PLG: variants seen among roughly 807,000 people sequenced by gnomAD.
PLG encodes plasmin.
In PLG, 41 loss-of-function variants were observed where a neutral mutation model predicts 104.4. That is an observed-to-expected ratio of 0.39 (90% CI 0.31 to 0.51). The LOEUF (loss-of-function observed/expected upper bound fraction) is 0.51. Ranked by LOEUF, PLG falls within the 20% of genes least tolerant of loss-of-function variation. PLG has a pLI of 0.76. For missense variants in PLG, 891 were observed against 1,003.6 expected (o/e 0.89, Z 1.52); for synonymous variants, 337 against 357.1 (o/e 0.94, Z 0.63).
At chr6:160,712,008 A>G in intron 4 of PLG, 1 of 908,204 alleles carries the variant, frequency 1.1e-6, no homozygotes. Context: ...AGTGCTTGTT[A>G]CTCACCTTTA....
intron 10 of PLG, among the ~76,000 whole-genome samples, chr6:160,730,568 A>G (rs962087008): frequency 2.0e-5 from 3 of 152,178 alleles, no homozygotes; most frequent in African/African-American, 7.2e-5. Context: ...TGGGAATGAT[A>G]CCATCTTGGA....
intron 17 of PLG, among the ~76,000 whole-genome samples, chr6:160,746,128 A>G (rs755143964): frequency 1.3e-5 from 2 of 152,152 alleles, no homozygotes; most frequent in Admixed American, 1.3e-4. Flanking sequence ...CTTGTATAGA[A>G]TCTCACAGGG....
chr6:160,707,463 G>A (rs1253463926), intron 2 of PLG, among the ~76,000 whole-genome samples: 1 of 152,106 alleles, frequency 6.6e-6, no homozygotes, highest in East Asian at 1.9e-4. Context: ...GAAACAGGAA[G>A]AAAGGGAAAA....
rs1778007001 is a variant in PLG at position 160,731,960 on chromosome 6, G to A, written c.1587+67G>A. The A allele has an allele frequency of 6.5e-7, 1 of 1,540,984 alleles. No homozygotes were observed. Among genetic ancestry groups the A allele is most frequent in the Admixed American group, 1.7e-5 (1 of 59,896 alleles). On this transcript the variant is annotated intron_variant, in intron 12 of 18. Coordinates refer to ENST00000308192, the MANE Select transcript of PLG (RefSeq NM_000301.5). The surrounding 1 kb of genome is among the most constrained non-coding windows in gnomAD (Gnocchi z 5.1). ...AATCTTTGCAAACAGAATTGGTTCTGTGTTACAGAAAATCTGACCTGGACT... is the reference window on the plus strand; with the variant it reads ...AATCTTTGCAAACAGAATTGGTTCTATGTTACAGAAAATCTGACCTGGACT...
intron 7 of PLG, among the ~76,000 whole-genome samples, 173 bp downstream of exon 7, chr6:160,716,936 A>G (rs1348671826): frequency 6.6e-6 from 1 of 152,204 alleles, no homozygotes; most frequent in Non-Finnish European, 1.5e-5. Context: ...GTTATTGGTT[A>G]CTGTGGGTGA....
Position 160,724,435 on chromosome 6 carries a change from T to A in PLG, c.1256+1868T>A, listed in dbSNP as rs1777892631. Among the ~76,000 whole-genome samples the A allele has an allele frequency of 3.3e-5, 5 of 151,766 alleles. No homozygotes were observed. Among genetic ancestry groups the A allele is most frequent in the Admixed American group, 3.3e-4 (5 of 15,250 alleles). ...AACTGCAGCACACACATACAAAGAC[T>A]GAAAAGATAAAGAAACAGAGCCTCA... On this transcript the variant is annotated intron_variant, in intron 10 of 18. Transcript: ENST00000308192. The surrounding 1 kb of genome is among the most constrained non-coding windows in gnomAD (Gnocchi z 5.0).
In PLG at chr6:160,736,912, G is replaced by T; in HGVS notation, c.1707G>T (p.Lys569Asn). 6.2e-7 allele frequency: 1 copy of T among 1,614,010 alleles called. No homozygotes were observed. The highest frequency in any genetic ancestry group is 8.5e-7 in the Non-Finnish European group (1 of 1,179,926). ...CGGCCCCTTCATTTGATTGTGGGAA[G>T]CCTCAAGTGGAGCCGAAGAAATGTC... ...QCAAPSFDCG[K>N]PQVEPKKCPG... is the part of the protein sequence containing the mutation. The change falls in exon 14 of 19, where the codon AAG becomes AAT. Residue 569 changes from lysine to asparagine, a missense_variant. By Grantham distance (94) the Lys-to-Asn change is moderately conservative. Coordinates refer to ENST00000308192, the MANE Select transcript of PLG (RefSeq NM_000301.5). This position sits in a 1 kb window ranked among gnomAD's most constrained non-coding sequence, Gnocchi z 5.2.
chr6:160,702,527 T>C (rs1176112372), intron 1 of PLG, among the ~76,000 whole-genome samples, 174 bp downstream of exon 1: 1 of 152,144 alleles, frequency 6.6e-6, no homozygotes, highest in African/African-American at 2.4e-5. Flanking sequence ...AAGTTTCCTG[T>C]GAAGATTGTC....
chr6:160,739,233 C>A lies in PLG; in HGVS notation c.2018+25C>A. On this transcript the variant is annotated intron_variant, in intron 16 of 18. Transcript: ENST00000308192. This position sits in a 1 kb window ranked among gnomAD's most constrained non-coding sequence, Gnocchi z 4.4. ...GGTACTCGTTCACCTGTGGTCTTCA[C>A]CCCACGCTGGTGAAGATATTTGCTT... The A allele has an allele frequency of 6.2e-7, 1 of 1,614,034 alleles. No homozygotes were observed. Among genetic ancestry groups the A allele is most frequent in the Non-Finnish European group, 8.5e-7 (1 of 1,179,918 alleles).
At position 160,752,859 on chromosome 6, in the gene PLG, C is replaced by G. The variant is rs371368258; in HGVS notation, c.2272-41C>G. 1.5e-4 allele frequency: 247 copies of G among 1,605,722 alleles called. No individual in the cohort carries two copies. Among genetic ancestry groups the G allele is most frequent in the Non-Finnish European group, 3.2e-5 (37 of 1,172,498 alleles). On this transcript the variant is annotated intron_variant, in intron 18 of 18. Coordinates refer to ENST00000308192, the MANE Select transcript of PLG (RefSeq NM_000301.5). The surrounding 1 kb of genome is among the most constrained non-coding windows in gnomAD (Gnocchi z 4.7). Reference sequence around the variant, plus strand: ...ATGGCATCCCATAATAAAAGGCAGGCAGCCTAACCCTCACATGCATTTTTC... The same window carrying G: ...ATGGCATCCCATAATAAAAGGCAGGGAGCCTAACCCTCACATGCATTTTTC...
chr6:160,709,258 C>T lies in PLG; in HGVS notation c.292+1452C>T, dbSNP rs182842303. Among the ~76,000 whole-genome samples the T allele has an allele frequency of 8.7e-4, 132 of 152,232 alleles. 1 individual carries two copies. The highest frequency in any genetic ancestry group is 2.9e-3 in the African/African-American group (119 of 41,538). On this transcript the variant is annotated intron_variant, in intron 3 of 18. Coordinates refer to ENST00000308192, the MANE Select transcript of PLG (RefSeq NM_000301.5). ...GGATATTGACCTGCTACTAACTTACCTGCCAGGGTTTTGCCAGGAACAGTC... is the reference window on the plus strand; with the variant it reads ...GGATATTGACCTGCTACTAACTTACTTGCCAGGGTTTTGCCAGGAACAGTC...
At position 160,741,476 on chromosome 6, in the gene PLG, A is replaced by C. The variant is rs1778195031; in HGVS notation, c.2125+59A>C. The C allele has an allele frequency of 4.0e-6, 4 of 987,744 alleles. No homozygotes were observed. Among genetic ancestry groups the C allele is most frequent in the South Asian group, 3.9e-5 (3 of 77,582 alleles). The allele number at this position is 987,744 out of a possible 1,614,324, so 61.2% of individuals were successfully genotyped here. A position where few individuals can be genotyped will look rare whatever the true frequency, so the allele number is the denominator to read the frequency against. ...GGTTTTGACCTACAGTCCATGTGAC[A>C]AAATGATCATTTTGGAGAAAGCTGT... On this transcript the variant is annotated intron_variant, in intron 17 of 18. Transcript: ENST00000308192. The surrounding 1 kb of genome is among the most constrained non-coding windows in gnomAD (Gnocchi z 4.7).
intron 4 of PLG, 143 bp downstream of exon 4, chr6:160,711,334 A>G (rs907050287): frequency 6.4e-6 from 5 of 778,482 alleles, no homozygotes; most frequent in African/African-American, 1.7e-5. Flanking sequence ...GTATTTGCAT[A>G]TAACCTACAT....
Position 160,752,146 on chromosome 6 carries a change from C to T in PLG, c.2157C>T (p.Ala719=). The T allele has an allele frequency of 2.5e-6, 4 of 1,612,904 alleles. No homozygotes were observed. The highest frequency in any genetic ancestry group is 3.4e-6 in the Non-Finnish European group (4 of 1,178,910). ...GTFGAGLLKE[A]QLPVIENKVC... ...TTGGAGCTGGCCTTCTCAAGGAAGC[C>T]CAGCTCCCTGTGATTGAGAATAAAG... is the stretch of plus-strand genomic sequence containing the variant. Residue 719 remains alanine (A), a synonymous_variant, in exon 18 of 19, where the codon GCC becomes GCT. Coordinates refer to ENST00000308192, the MANE Select transcript of PLG (RefSeq NM_000301.5). The surrounding 1 kb of genome is among the most constrained non-coding windows in gnomAD (Gnocchi z 4.7).
chr6:160,745,327 G>A (rs1778260541), intron 17 of PLG, among the ~76,000 whole-genome samples: 1 of 152,190 alleles, frequency 6.6e-6, no homozygotes, highest in Admixed American at 6.5e-5. Flanking sequence ...GAAGCTGGGT[G>A]CTCTTGTGTT....
Position 160,738,355 on chromosome 6 carries a change from C to T in PLG, c.1803-183C>T. On this transcript the variant is annotated intron_variant, in intron 14 of 18. Transcript: ENST00000308192. This position sits in a 1 kb window ranked among gnomAD's most constrained non-coding sequence, Gnocchi z 6.8. ...AAAATTGGCATAGATGGGCCCTTCTCAAAAATCCCACTCCTGGAGCACTGG... is the reference window on the plus strand; with the variant it reads ...AAAATTGGCATAGATGGGCCCTTCTTAAAAATCCCACTCCTGGAGCACTGG... The T allele has an allele frequency of 1.6e-6, 1 of 618,660 alleles. No individual in the cohort carries two copies. Among genetic ancestry groups the T allele is most frequent in the South Asian group, 1.7e-5 (1 of 57,522 alleles). The allele number at this position is 618,660 out of a possible 1,614,324, so 38.3% of individuals were successfully genotyped here.
At chr6:160,742,556 T>C (rs1258996765) in intron 17 of PLG, among the ~76,000 whole-genome samples, 1 of 152,064 alleles carries the variant, frequency 6.6e-6, no homozygotes, top group Non-Finnish European at 1.5e-5. Flanking sequence ...TTAGACCTTT[T>C]TCAGGTGCAT....
In PLG at chr6:160,725,209, AAAACAAAC is replaced by A. The variant is rs369053548; in HGVS notation, c.1256+2662_1256+2669del. Among the ~76,000 whole-genome samples, 87 of 152,158 alleles carry A rather than the reference AAAACAAAC, an allele frequency of 5.7e-4. No homozygotes were observed. The highest frequency in any genetic ancestry group is 1.9e-3 in the African/African-American group (77 of 41,532). The stretch of plus-strand genomic sequence containing the variant: ...CAACCTGGGTGACAGAGCGAGACTC[AAAACAAAC>A]AAACAAACAAACAAACAAAAAGATA... On this transcript the variant is annotated intron_variant, in intron 10 of 18. Transcript: ENST00000308192. The surrounding 1 kb of genome is among the most constrained non-coding windows in gnomAD (Gnocchi z 6.3).
In PLG at chr6:160,707,557, A is replaced by G. The variant is rs576109928; in HGVS notation, c.186-143A>G. 108 of 868,110 alleles carry G rather than the reference A, an allele frequency of 1.2e-4. 1 individual carries two copies. The South Asian group carries it at 1.5e-3, about 12-fold the overall frequency. The allele number at this position is 868,110 out of a possible 1,614,324, so 53.8% of individuals were successfully genotyped here. On this transcript the variant is annotated intron_variant, in intron 2 of 18. Transcript: ENST00000308192. ...TCAGTACTTCATCGATGCCATGCCC[A>G]AATAACTGAAAGAGGCAGCAATTCT...
Sources: allele counts gnomAD v4.1 joint callset (sites outside exome capture counted in the v4.1 genomes callset), GRCh38; gene constraint gnomAD v4.1.1; non-coding constraint Gnocchi (gnomAD v3.1); transcripts MANE v1.5; gene names NCBI Gene and HGNC (gene_info 2026-07-23, HGNC 2026-07-21).